Variants in CDH15 observed in about 807,000 individuals in gnomAD.
CDH15 encodes the protein cadherin 15, also known as cadherin-15.
A neutral mutation model predicts 69.4 loss-of-function variants in CDH15; 73 were observed. That is an observed-to-expected ratio of 1.05 (90% CI 0.87 to 1.28). The LOEUF (loss-of-function observed/expected upper bound fraction) is 1.28. Ranked by LOEUF, CDH15 falls within the 50% of genes most tolerant of loss-of-function variation. The pLI, the probability that CDH15 is intolerant of heterozygous loss-of-function variation, is 0.00. For missense variants in CDH15, 1,343 were observed against 1,133.6 expected, an observed-to-expected ratio of 1.18 and a Z score of -2.65; for synonymous variants, 624 against 507.7, an observed-to-expected ratio of 1.23 and a Z score of -3.08.
At chr16:89,184,289 G>A (rs941406089) in intron 4 of CDH15, among the ~76,000 whole-genome samples, 9 of 152,164 alleles carry the variant, frequency 5.9e-5, no homozygotes, top group African/African-American at 1.7e-4. Flanking sequence ...CAGACAGCAC[G>A]TCCTAGCTCC....
rs146940250 is a variant in CDH15 at position 89,185,206 on chromosome 16, C to G, written c.536C>G (p.Ala179Gly). 1.9e-6 allele frequency: 3 copies of G among 1,603,762 alleles called. No individual in the cohort carries two copies. Among genetic ancestry groups the G allele is most frequent in the African/African-American group, 1.3e-5 (1 of 74,880 alleles). The change falls in exon 5 of 14, where the codon GCC (alanine) becomes GGC (glycine). Residue 179 changes from alanine (A) to glycine (G), a missense_variant. Physicochemically the swap from Ala to Gly is moderately conservative, Grantham distance 60. Transcript: ENST00000289746. ...TYVTRAEATD[A>G]DDPETDNAAL... is the part of the protein sequence containing the mutation. ...GTGACCAGGGCAGAGGCCACAGATG[C>G]CGACGACCCCGAGACGGACAACGCA... is the stretch of plus-strand genomic sequence containing the variant.
intron 5 of CDH15, among the ~76,000 whole-genome samples, chr16:89,186,770 A>C (rs1915499142): frequency 6.7e-6 from 1 of 149,028 alleles, no homozygotes. Context: ...ACGCTTACCC[A>C]GAGCACAGTA....
Position 89,187,555 on chromosome 16 carries a change from G to A in CDH15, c.790G>A (p.Glu264Lys). ...NDNAPEFTRD[E>K]FFMEAIEAVS... is the part of the protein sequence containing the mutation. ...CAATGCCCCCGAGTTCACCAGGGAT[G>A]AGGTGCTGCTGCTGTCCCTCCCTCG... The change falls in exon 6 of 14, where the codon GAG (glutamate) becomes AAG (lysine). Residue 264 changes from glutamate to lysine, a missense_variant and splice_region_variant. By Grantham distance (56) the Glu-to-Lys change is moderately conservative. Coordinates refer to ENST00000289746, the MANE Select transcript of CDH15 (RefSeq NM_004933.3). 3.7e-6 allele frequency: 6 copies of A among 1,613,512 alleles called. No individual in the cohort carries two copies. In the South Asian group the frequency reaches 6.6e-5, roughly 18 times the overall value.
At chr16:89,180,008 G>A (rs575616312) in intron 2 of CDH15, among the ~76,000 whole-genome samples, 192 bp from the exon 3 acceptor site, 55 of 152,332 alleles carry the variant, frequency 3.6e-4, no homozygotes, top group African/African-American at 1.3e-3. Context: ...GCAAGACGGG[G>A]CACCCTTGGG....
rs2151600917 is a variant in CDH15 at position 89,185,193 on chromosome 16, G to A, written c.523G>A (p.Glu175Lys). The change falls in exon 5 of 14, where the codon GAG becomes AAG. Residue 175 changes from glutamate (E) to lysine (K), a missense_variant. Physicochemically the swap from Glu to Lys is moderately conservative, Grantham distance 56. Coordinates refer to ENST00000289746, the MANE Select transcript of CDH15 (RefSeq NM_004933.3). ...AVPGTYVTRAEATDADDPETD... is the reference protein window; with the variant it reads ...AVPGTYVTRAKATDADDPETD... ...CCCAGGCACCTATGTGACCAGGGCA[G>A]AGGCCACAGATGCCGACGACCCCGA... 2.5e-6 allele frequency: 4 copies of A among 1,603,132 alleles called. No homozygotes were observed. In the East Asian group the frequency reaches 9.0e-5, roughly 36 times the overall value.
At chr16:89,186,219 C>A (rs1292355949) in intron 5 of CDH15, 1 of 102,888 alleles carries the variant, frequency 9.7e-6, no homozygotes, top group African/African-American at 3.8e-5. Flanking sequence ...GAACACCCAG[C>A]GCACAGTAGG....
Position 89,191,419 on chromosome 16 carries a change from C to A in CDH15, c.1322C>A (p.Ser441Tyr), listed in dbSNP as rs753912698. 6.2e-7 allele frequency: 1 copy of A among 1,612,632 alleles called. No homozygotes were observed. The highest frequency in any genetic ancestry group is 1.3e-5 in the African/African-American group (1 of 74,914). The change falls in exon 9 of 14, where the codon TCC becomes TAC. Residue 441 changes from serine to tyrosine, a missense_variant. Ser to Tyr is a moderately radical substitution (Grantham distance 144, BLOSUM62 -2). Transcript: ENST00000289746. ...IQTQHVLSPA[S>Y]PFLKGGWYRA... ...ACCCAGCACGTGCTCAGCCCGGCGT[C>A]CCCCTTCCTCAAGGGCGGCTGGTAC...
At chr16:89,176,301 C>T (rs1383654561) in intron 1 of CDH15, among the ~76,000 whole-genome samples, 3 of 152,160 alleles carry the variant, frequency 2.0e-5, no homozygotes, top group Non-Finnish European at 2.9e-5. Context: ...GGCATTGGCA[C>T]GGGGCTGAGG....
chr16:89,188,571 CATGCCGGCACACACAG>C (rs1915550977), intron 7 of CDH15, among the ~76,000 whole-genome samples: 1 of 93,030 alleles, frequency 1.1e-5, no homozygotes, highest in Non-Finnish European at 2.2e-5. Context: ...GGCACACACA[CATGCCGGCACACACAG>C]ATGCCCACAC....
At chr16:89,187,351 C>T (rs1347894527) in intron 5 of CDH15, 78 bp from the exon 6 acceptor site, 5 of 1,572,540 alleles carry the variant, frequency 3.2e-6, no homozygotes, top group African/African-American at 1.3e-5. Flanking sequence ...GGCCAGGTGG[C>T]CTGGCTCCCA....
intron 8 of CDH15, among the ~76,000 whole-genome samples, 158 bp downstream of exon 8, chr16:89,190,654 C>T (rs2151603634): frequency 6.6e-6 from 1 of 152,238 alleles, no homozygotes; most frequent in Non-Finnish European, 1.5e-5. Flanking sequence ...CCGAGCATGC[C>T]CGTGTGTGCA....
intron 1 of CDH15, among the ~76,000 whole-genome samples, chr16:89,178,788 G>T (rs535164132): frequency 1.3e-5 from 2 of 152,232 alleles, no homozygotes; most frequent in Non-Finnish European, 2.9e-5. Flanking sequence ...CCGGGGTTCA[G>T]TTCCCACAAA....
At chr16:89,177,517 C>T (rs1474263080) in intron 1 of CDH15, among the ~76,000 whole-genome samples, 1 of 152,056 alleles carries the variant, frequency 6.6e-6, no homozygotes, top group Non-Finnish European at 1.5e-5. Context: ...GGGAGCCTGG[C>T]GACCCCCAGG....
Position 89,190,478 on chromosome 16 carries a change from A to G in CDH15, c.1214A>G (p.Glu405Gly). The G allele has an allele frequency of 6.3e-7, 1 of 1,596,648 alleles. No individual in the cohort carries two copies. Among genetic ancestry groups the G allele is most frequent in the South Asian group, 1.1e-5 (1 of 88,344 alleles). Residue 405 changes from glutamate (E) to glycine (G), a missense_variant, in exon 8 of 14, where the codon GAG (glutamate) becomes GGG (glycine). Transcript: ENST00000289746. ...TTCTCTGCCCGGGACCCTGACACAGAGCAGCTGCAGAGGCTCAGGTGGGGC... is the reference window on the plus strand; with the variant it reads ...TTCTCTGCCCGGGACCCTGACACAGGGCAGCTGCAGAGGCTCAGGTGGGGC... ...ATFSARDPDT[E>G]QLQRLSYSKD...
Position 89,191,331 on chromosome 16 carries a change from TACTCCA to T in CDH15, c.1236_1241del (p.Tyr412_Lys414delinsTer). The T allele has an allele frequency of 1.2e-6, 2 of 1,612,810 alleles. No homozygotes were observed. The highest frequency in any genetic ancestry group is 1.7e-6 in the Non-Finnish European group (2 of 1,179,984). Reference sequence around the variant, plus strand: ...CACTCTTCCCCTCCCCTGCATCAGCTACTCCAAGGACTACGACCCGGAAGACTGGCT... The same window carrying T: ...CACTCTTCCCCTCCCCTGCATCAGCTAGGACTACGACCCGGAAGACTGGCT... On this transcript the variant is annotated stop_gained and inframe_deletion and splice_region_variant, in exon 9 of 14. Coordinates refer to ENST00000289746, the MANE Select transcript of CDH15 (RefSeq NM_004933.3). LOFTEE classifies it high-confidence loss of function.
Position 89,191,405 on chromosome 16 carries a change from G to A in CDH15, c.1308G>A (p.Val436=). Reference sequence around the variant, plus strand: ...CTGGCCGGATCCAGACCCAGCACGTGCTCAGCCCGGCGTCCCCCTTCCTCA... The same window carrying A: ...CTGGCCGGATCCAGACCCAGCACGTACTCAGCCCGGCGTCCCCCTTCCTCA... ...AATGRIQTQH[V]LSPASPFLKG... Residue 436 remains valine, a synonymous_variant, in exon 9 of 14, where the codon GTG becomes GTA. Transcript: ENST00000289746. 2 of 1,612,774 alleles carry A rather than the reference G, an allele frequency of 1.2e-6. No homozygotes were observed. Among genetic ancestry groups the A allele is most frequent in the Non-Finnish European group, 1.7e-6 (2 of 1,179,990 alleles).
rs765028015 is a variant in CDH15 at position 89,185,171 on chromosome 16, A to G, written c.503-2A>G. On this transcript the variant is annotated splice_acceptor_variant, in intron 4 of 13. Coordinates refer to ENST00000289746, the MANE Select transcript of CDH15 (RefSeq NM_004933.3). LOFTEE classifies it high-confidence loss of function. ...GCCCTCACGCCTCCCTGTGCTTCCC[A>G]GGCACCTATGTGACCAGGGCAGAGG... is the stretch of plus-strand genomic sequence containing the variant. 2 of 1,594,706 alleles carry G rather than the reference A, an allele frequency of 1.3e-6. No homozygotes were observed. Among genetic ancestry groups the G allele is most frequent in the East Asian group, 4.5e-5 (2 of 44,258 alleles).
chr16:89,189,037 G>C lies in CDH15; in HGVS notation c.978+752G>C, dbSNP rs554314443. Among the ~76,000 whole-genome samples, 29 of 120,228 alleles carry C rather than the reference G, an allele frequency of 2.4e-4. 1 individual carries two copies. The highest frequency in any genetic ancestry group is 8.5e-4 in the African/African-American group (26 of 30,484). The allele number at this position is 120,228 out of a possible 152,430, so 78.9% of individuals were successfully genotyped here. ...CACAGGTGCCCACACACAGATGTTG[G>C]CACACACAGGTGCCCACACACAGAT... On this transcript the variant is annotated intron_variant, in intron 7 of 13. Transcript: ENST00000289746.
At position 89,183,612 on chromosome 16, in the gene CDH15, T is replaced by A; in HGVS notation, c.422T>A (p.Val141Glu). 6.2e-7 allele frequency: 1 copy of A among 1,614,134 alleles called. No individual in the cohort carries two copies. Among genetic ancestry groups the A allele is most frequent in the African/African-American group, 1.3e-5 (1 of 75,050 alleles). The change falls in exon 4 of 14, where the codon GTA becomes GAA. Residue 141 changes from valine (V) to glutamate (E), a missense_variant. Val to Glu is a moderately radical substitution (Grantham distance 121). Coordinates refer to ENST00000289746, the MANE Select transcript of CDH15 (RefSeq NM_004933.3). ...TLEDPTDLEI[V>E]VVDQNDNRPA... is the part of the protein sequence containing the mutation. ...GAGGACCCCACGGACCTGGAGATTG[T>A]AGTTGTGGATCAGAATGACAACCGG...
Sources: allele counts gnomAD v4.1 joint callset (sites outside exome capture counted in the v4.1 genomes callset), GRCh38; gene constraint gnomAD v4.1.1; transcripts MANE v1.5; gene names NCBI Gene and HGNC (gene_info 2026-07-23, HGNC 2026-07-21).